The following PCDHGC4 variants were observed in gnomAD, a reference collection of about 807,000 sequenced individuals.
The protein encoded by PCDHGC4 is protocadherin gamma-C4.
A neutral mutation model predicts 59.7 loss-of-function variants in PCDHGC4; 15 were observed. The ratio of observed to expected loss-of-function variants is 0.25; its 90% confidence interval spans 0.17 to 0.39. The LOEUF (loss-of-function observed/expected upper bound fraction) is 0.39, where lower values mean the gene tolerates loss of function less well. Among genes scored for constraint, PCDHGC4 ranks in the 10% least tolerant of loss-of-function variants. PCDHGC4 has a pLI of 1.00. For synonymous variants in PCDHGC4, 434 were observed against 481.4 expected (o/e 0.90, Z 1.29); for missense variants, 1,016 against 1,189.5 (o/e 0.85, Z 2.15).
Position 141,505,488 on chromosome 5 carries a change from G to A in PCDHGC4, c.2590+7G>A. On this transcript the variant is annotated splice_region_variant and intron_variant, in intron 3 of 3. Transcript: ENST00000306593. Reference sequence around the variant, plus strand: ...ATCTTGGCGTCCGCCAGTGGTAAGTGGTGTCAGTGTGTGTATGGAAGAGTG... The same window carrying A: ...ATCTTGGCGTCCGCCAGTGGTAAGTAGTGTCAGTGTGTGTATGGAAGAGTG... The A allele has an allele frequency of 6.2e-7, 1 of 1,614,222 alleles. No individual in the cohort carries two copies. The highest frequency in any genetic ancestry group is 8.5e-7 in the Non-Finnish European group (1 of 1,180,018).
At chr5:141,500,190 TTA>T (rs551092091) in intron 2 of PCDHGC4, among the ~76,000 whole-genome samples, 3 of 110,960 alleles carry the variant, frequency 2.7e-5, no homozygotes, top group Non-Finnish European at 3.9e-5. Context: ...TTATTTTTAT[TTA>T]TTTATTTATT....
At position 141,489,302 on chromosome 5, in the gene PCDHGC4, T is replaced by C. The variant is rs1258736404; in HGVS notation, c.2442+1687T>C. 2 of 1,586,886 alleles carry C rather than the reference T, an allele frequency of 1.3e-6. No homozygotes were observed. The highest frequency in any genetic ancestry group is 2.3e-5 in the South Asian group (2 of 85,378). ...TGGCAAGTGCTGTGCATGTTGTCCT[T>C]GTGCTGCTGGGGCTGGGTGTCTGGG... On this transcript the variant is annotated intron_variant, in intron 1 of 3. Transcript: ENST00000306593. The surrounding 1 kb of genome is among the most constrained non-coding windows in gnomAD (Gnocchi z 4.5).
Position 141,491,935 on chromosome 5 carries a change from C to A in PCDHGC4, c.2443-2872C>A. 1 of 1,205,518 alleles carries A rather than the reference C, an allele frequency of 8.3e-7. No homozygotes were observed. Among genetic ancestry groups the A allele is most frequent in the South Asian group, 1.7e-5 (1 of 59,176 alleles). 74.7% of individuals were successfully genotyped at this position (1,205,518 alleles called of 1,614,324 possible). On this transcript the variant is annotated intron_variant, in intron 1 of 3. Transcript: ENST00000306593. The surrounding 1 kb of genome is among the most constrained non-coding windows in gnomAD (Gnocchi z 6.9). ...GACTGTGGGCGAGGGGAGGTGGGACCGACCCCCACCCCTACACTCAAAAAA... is the reference window on the plus strand; with the variant it reads ...GACTGTGGGCGAGGGGAGGTGGGACAGACCCCCACCCCTACACTCAAAAAA...
Position 141,510,868 on chromosome 5 carries a change from T to C in PCDHGC4, c.2591-79T>C, listed in dbSNP as rs2099883142. 40 of 1,608,466 alleles carry C rather than the reference T, an allele frequency of 2.5e-5. No homozygotes were observed. The Middle Eastern group carries it at 4.9e-4, about 20-fold the overall frequency. On this transcript the variant is annotated intron_variant, in intron 3 of 3. Transcript: ENST00000306593. The stretch of plus-strand genomic sequence containing the variant: ...GCCCAGGGTGCTGTATAGGCATTCA[T>C]TAACTGCTGGGGATATAAGACAGTG...
At chr5:141,494,564 G>A (rs2099755274) in intron 1 of PCDHGC4, among the ~76,000 whole-genome samples, 1 of 152,138 alleles carries the variant, frequency 6.6e-6, no homozygotes, top group Non-Finnish European at 1.5e-5. Context: ...TTTAGGAAAG[G>A]AGTCTCAGCT....
In PCDHGC4 at chr5:141,511,116, G is replaced by A. The variant is rs2099883616; in HGVS notation, c.2760G>A (p.Lys920=). Residue 920 remains lysine, a synonymous_variant, in exon 4 of 4, where the codon AAG becomes AAA. Transcript: ENST00000306593. The stretch of plus-strand genomic sequence containing the variant: ...ACGCAGCTGGCAAGCGGGATGGCAA[G>A]GCCCCAGCAGGTGGCAATGGCAACA... ...LTNAAGKRDG[K]APAGGNGNKK... The A allele has an allele frequency of 1.9e-6, 3 of 1,614,234 alleles. No individual in the cohort carries two copies. The highest frequency in any genetic ancestry group is 2.5e-6 in the Non-Finnish European group (3 of 1,180,026).
chr5:141,494,950 A>T, intron 2 of PCDHGC4, 85 bp downstream of exon 2: 2 of 1,607,070 alleles, frequency 1.2e-6, no homozygotes, highest in African/African-American at 2.7e-5. Context: ...AGGGCCCAGC[A>T]TTTGCTACAG....
intron 2 of PCDHGC4, among the ~76,000 whole-genome samples, chr5:141,497,602 C>T (rs948023459): frequency 2.0e-5 from 3 of 148,260 alleles, no homozygotes; most frequent in East Asian, 2.0e-4. Flanking sequence ...TGCAGTGGTG[C>T]GATCTTGGCT....
In PCDHGC4 at chr5:141,489,835, C is replaced by G; in HGVS notation, c.2442+2220C>G. On this transcript the variant is annotated intron_variant, in intron 1 of 3. Transcript: ENST00000306593. This position sits in a 1 kb window ranked among gnomAD's most constrained non-coding sequence, Gnocchi z 4.5. Reference sequence around the variant, plus strand: ...ATTCCCAGAGCTGGTGCTAGAGCAGCAGCTGGATCGTGAAGCCCAGGCAAG... The same window carrying G: ...ATTCCCAGAGCTGGTGCTAGAGCAGGAGCTGGATCGTGAAGCCCAGGCAAG... The G allele has an allele frequency of 6.2e-7, 1 of 1,614,164 alleles. No homozygotes were observed. Among genetic ancestry groups the G allele is most frequent in the Non-Finnish European group, 8.5e-7 (1 of 1,179,972 alleles).
rs776211508 is a variant in PCDHGC4, at chr5:141,491,001, C to T, written c.2442+3386C>T. On this transcript the variant is annotated intron_variant, in intron 1 of 3. Transcript: ENST00000306593. The surrounding 1 kb of genome is among the most constrained non-coding windows in gnomAD (Gnocchi z 6.9). The stretch of plus-strand genomic sequence containing the variant: ...TCCCTCGCTCTGCTCCTCCTGGCTC[C>T]TTGGTCACCAAGGTGACAGCCGTGG... The T allele has an allele frequency of 6.2e-7, 1 of 1,614,140 alleles. No individual in the cohort carries two copies. Among genetic ancestry groups the T allele is most frequent in the Non-Finnish European group, 8.5e-7 (1 of 1,180,044 alleles).
At chr5:141,498,971 G>GGGAGGGAAGGAAGGAAGGAA (rs2099787588) in intron 2 of PCDHGC4, among the ~76,000 whole-genome samples, 11 of 111,048 alleles carry the variant, frequency 9.9e-5, no homozygotes, top group African/African-American at 3.2e-4. Context: ...GAGGGAGGGA[G>GGGAGGGAAGGAAGGAAGGAA]GGAAGGAAGG....
chr5:141,492,072 C>G (rs2099736816), intron 1 of PCDHGC4: 2 of 480,040 alleles, frequency 4.2e-6, no homozygotes, highest in East Asian at 3.3e-5. Context: ...TCCTAGGCGC[C>G]GGCTCCGGCA....
chr5:141,509,577 C>G (rs569743928), intron 3 of PCDHGC4, among the ~76,000 whole-genome samples: 2 of 152,320 alleles, frequency 1.3e-5, no homozygotes, highest in African/African-American at 2.4e-5. Context: ...ACAGTGCGTA[C>G]AAATCAGCTG....
chr5:141,508,725 G>C (rs1447443196), intron 3 of PCDHGC4, among the ~76,000 whole-genome samples: 1 of 151,788 alleles, frequency 6.6e-6, no homozygotes, highest in Non-Finnish European at 1.5e-5. Flanking sequence ...TGTGCAGGGA[G>C]ACTACACCCC....
chr5:141,505,284 G>A, intron 2 of PCDHGC4, 109 bp from the exon 3 acceptor site: 1 of 1,548,402 alleles, frequency 6.5e-7, no homozygotes. Flanking sequence ...CAGGTCTTGG[G>A]CATGGGGTAG....
At position 141,496,642 on chromosome 5, in the gene PCDHGC4, G is replaced by C. The variant is rs1053400475; in HGVS notation, c.2501+1777G>C. Among the ~76,000 whole-genome samples the C allele has an allele frequency of 6.6e-5, 10 of 152,318 alleles. No individual in the cohort carries two copies. In the East Asian group the frequency reaches 1.5e-3, roughly 24 times the overall value. ...AGATCAAAAGGCTTGGGCTGCCCTT[G>C]CCCTTCCTTTGACCCCAGCTGTTGT... On this transcript the variant is annotated intron_variant, in intron 2 of 3. Transcript: ENST00000306593.
intron 2 of PCDHGC4, among the ~76,000 whole-genome samples, chr5:141,504,794 A>G (rs2099841154): frequency 6.6e-6 from 1 of 151,718 alleles, no homozygotes; most frequent in African/African-American, 2.4e-5. Flanking sequence ...GGCCTCCTAC[A>G]TCTCCCCCTA....
chr5:141,512,395 C>T lies in PCDHGC4; in HGVS notation c.*1222C>T, dbSNP rs1229077213. ...ACCAAATGAACAGAAAGTCTCAGCCCAGGATGGGGCTTCTTCAACAGGGCC... is the reference window on the plus strand; with the variant it reads ...ACCAAATGAACAGAAAGTCTCAGCCTAGGATGGGGCTTCTTCAACAGGGCC... On this transcript the variant is annotated 3_prime_UTR_variant, in exon 4 of 4. Coordinates refer to ENST00000306593, the MANE Select transcript of PCDHGC4 (RefSeq NM_018928.3). 1 of 152,690 alleles carries T rather than the reference C, an allele frequency of 6.5e-6. No individual in the cohort carries two copies. Among genetic ancestry groups the T allele is most frequent in the Non-Finnish European group, 1.5e-5 (1 of 68,072 alleles). The allele number at this position is 152,690 out of a possible 1,614,324, so 9.5% of individuals were successfully genotyped here.
At chr5:141,494,783 C>G (rs2099756910) in intron 1 of PCDHGC4, 24 bp from the exon 2 acceptor site, 2 of 1,613,964 alleles carry the variant, frequency 1.2e-6, no homozygotes, top group Admixed American at 3.3e-5. Context: ...GTACTCAGCC[C>G]CTTTCCCTCT....
Sources: allele counts gnomAD v4.1 joint callset (sites outside exome capture counted in the v4.1 genomes callset), GRCh38; gene constraint gnomAD v4.1.1; non-coding constraint Gnocchi (gnomAD v3.1); transcripts MANE v1.5; gene names NCBI Gene and HGNC (gene_info 2026-07-23, HGNC 2026-07-21).